The following NALCN variants were observed in gnomAD, a reference collection of about 807,000 sequenced individuals.
The protein encoded by NALCN is sodium leak channel NALCN.
In NALCN, 111 loss-of-function variants were observed where a neutral mutation model predicts 225.3. The ratio of observed to expected loss-of-function variants is 0.49; its 90% confidence interval spans 0.42 to 0.58. The LOEUF is 0.58. Ranked by LOEUF, NALCN falls within the 20% of genes least tolerant of loss-of-function variation. The probability of loss-of-function intolerance (pLI) is 0.00; values close to 1 mark genes in which losing one functional copy is unlikely to be tolerated. For synonymous variants in NALCN, 764 were observed against 769.0 expected, an observed-to-expected ratio of 0.99 and a Z score of 0.11; for missense variants, 1,378 against 2,202.4, an observed-to-expected ratio of 0.63 and a Z score of 7.49.
intron 28 of NALCN, among the ~76,000 whole-genome samples, chr13:101,093,591 C>A (rs935942977): frequency 1.3e-5 from 2 of 152,164 alleles, no homozygotes; most frequent in Non-Finnish European, 2.9e-5. Context: ...CCTAATAATA[C>A]CTTCCATAAA....
At chr13:101,362,644 G>A (rs187285240) in intron 6 of NALCN, among the ~76,000 whole-genome samples, 12 of 152,064 alleles carry the variant, frequency 7.9e-5, no homozygotes, top group East Asian at 5.8e-4. Context: ...TACCAAAGGC[G>A]GAAAAATTGA....
rs543315588 is a variant in NALCN, at chr13:101,311,211, G to T, written c.800-18845C>A. On this transcript the variant is annotated intron_variant, in intron 7 of 43. Transcript: ENST00000251127. ...CTTGTGATTTTTGCACATTGATTTT[G>T]TATCCTGAGACTTTGCTGAAGTTGC... Among the ~76,000 whole-genome samples the T allele has an allele frequency of 9.2e-5, 14 of 151,422 alleles. No homozygotes were observed. The East Asian group carries it at 2.3e-3, about 25-fold the overall frequency.
At chr13:101,287,177 T>C (rs2043370789) in intron 9 of NALCN, among the ~76,000 whole-genome samples, 1 of 152,256 alleles carries the variant, frequency 6.6e-6, no homozygotes, top group South Asian at 2.1e-4. Context: ...AGATAGTATG[T>C]ATGTTTTACT....
At chr13:101,373,682 A>C (rs909010974) in intron 6 of NALCN, among the ~76,000 whole-genome samples, 1 of 152,196 alleles carries the variant, frequency 6.6e-6, no homozygotes, top group Non-Finnish European at 1.5e-5. Flanking sequence ...AGCTTCTCCT[A>C]AGATACCGAT....
At chr13:101,131,474 G>A (rs1489049009) in intron 17 of NALCN, among the ~76,000 whole-genome samples, 1 of 152,030 alleles carries the variant, frequency 6.6e-6, no homozygotes, top group Non-Finnish European at 1.5e-5. Context: ...GATCAAATAT[G>A]GTAGCTTTCT....
intron 7 of NALCN, among the ~76,000 whole-genome samples, chr13:101,314,687 A>C (rs1327997537): frequency 6.6e-6 from 1 of 152,226 alleles, no homozygotes; most frequent in Non-Finnish European, 1.5e-5. Flanking sequence ...TTTTCAAATG[A>C]ATACAAAATG....
At chr13:101,301,244 C>T (rs2043953925) in intron 7 of NALCN, among the ~76,000 whole-genome samples, 1 of 152,180 alleles carries the variant, frequency 6.6e-6, no homozygotes, top group Admixed American at 6.5e-5. Flanking sequence ...GCTCAGTCCA[C>T]ACGCCAACTA....
At chr13:101,282,453 A>C (rs1288289831) in intron 10 of NALCN, among the ~76,000 whole-genome samples, 1 of 152,186 alleles carries the variant, frequency 6.6e-6, no homozygotes, top group Admixed American at 6.5e-5. Flanking sequence ...AATCTCAAAA[A>C]GTCAAATTCA....
At chr13:101,299,082 T>C (rs539298596) in intron 7 of NALCN, among the ~76,000 whole-genome samples, 1 of 152,374 alleles carries the variant, frequency 6.6e-6, no homozygotes, top group Non-Finnish European at 1.5e-5. Context: ...TCCTAAGACA[T>C]TGCTTATTTG....
intron 6 of NALCN, among the ~76,000 whole-genome samples, chr13:101,351,892 A>G (rs1264261511): frequency 6.6e-6 from 1 of 152,174 alleles, no homozygotes; most frequent in Admixed American, 6.5e-5. Flanking sequence ...TATTCACAAT[A>G]TCGTCTTTCT....
intron 7 of NALCN, among the ~76,000 whole-genome samples, chr13:101,306,139 G>A (rs1379689611): frequency 1.3e-5 from 2 of 152,176 alleles, no homozygotes; most frequent in African/African-American, 2.4e-5. Flanking sequence ...AATGGTGCCC[G>A]AGGCCAGTTG....
At chr13:101,314,092 A>C (rs535771769) in intron 7 of NALCN, among the ~76,000 whole-genome samples, 44 of 144,886 alleles carry the variant, frequency 3.0e-4, no homozygotes, top group African/African-American at 1.0e-3. Flanking sequence ...GTTCTCACTC[A>C]TAGGTGGGAA....
At chr13:101,093,069 A>T (rs1050089557) in intron 28 of NALCN, among the ~76,000 whole-genome samples, 3 of 152,110 alleles carry the variant, frequency 2.0e-5, no homozygotes, top group Non-Finnish European at 4.4e-5. Flanking sequence ...AAGCCTGAAT[A>T]CTTTGTTAGT....
intron 3 of NALCN, among the ~76,000 whole-genome samples, chr13:101,389,608 G>T (rs2047086423): frequency 6.6e-6 from 1 of 152,104 alleles, no homozygotes; most frequent in Non-Finnish European, 1.5e-5. Flanking sequence ...ACACAGAAAA[G>T]CTCCATGTTT....
chr13:101,386,623 C>T (rs1481438432), intron 3 of NALCN, among the ~76,000 whole-genome samples: 1 of 151,802 alleles, frequency 6.6e-6, no homozygotes, highest in Non-Finnish European at 1.5e-5. Flanking sequence ...ATATATTTGG[C>T]AAATTACTAG....
intron 1 of NALCN, among the ~76,000 whole-genome samples, chr13:101,403,250 C>T (rs1298161072): frequency 6.6e-6 from 1 of 152,198 alleles, no homozygotes; most frequent in Non-Finnish European, 1.5e-5. Context: ...TGAAGGCATT[C>T]TTGAAGCTTA....
At chr13:101,398,945 A>G in intron 2 of NALCN, 74 bp downstream of exon 2, 2 of 962,802 alleles carry the variant, frequency 2.1e-6, no homozygotes, top group Admixed American at 1.8e-5. Context: ...CCAAAGGTAC[A>G]TGATATTTGA....
At chr13:101,268,741 TCCTG>T (rs2042679238) in intron 10 of NALCN, among the ~76,000 whole-genome samples, 1 of 152,190 alleles carries the variant, frequency 6.6e-6, no homozygotes, top group Non-Finnish European at 1.5e-5. Flanking sequence ...TTTTCCTATA[TCCTG>T]CCCAATAAAA....
chr13:101,201,172 A>G (rs1364385152), intron 13 of NALCN, among the ~76,000 whole-genome samples: 1 of 152,148 alleles, frequency 6.6e-6, no homozygotes, highest in South Asian at 2.1e-4. Context: ...CTTTTAAAAG[A>G]AATAGGTTTT....
Sources: gnomAD v4.1 joint callset for allele counts (sites outside exome capture counted in the v4.1 genomes callset) on GRCh38, gnomAD v4.1.1 for gene constraint, MANE v1.5 for transcripts, NCBI Gene and HGNC (gene_info 2026-07-23, HGNC 2026-07-21) for gene names.